The following FBLN5 variants were observed in gnomAD, a reference collection of about 807,000 sequenced individuals.
FBLN5 encodes the protein fibulin-5.
Under a neutral mutation model 61.6 loss-of-function variants are expected in FBLN5, and 24 were observed. The ratio of observed to expected loss-of-function variants is 0.39; its 90% CI spans 0.28 to 0.55. The LOEUF is 0.55. Among genes scored for constraint, FBLN5 ranks in the 20% least tolerant of loss-of-function variants. The probability of loss-of-function intolerance (pLI) is 0.65; values close to 1 mark genes in which losing one functional copy is unlikely to be tolerated. For synonymous variants in FBLN5, 213 were observed against 219.8 expected (o/e 0.97, Z 0.27); for missense variants, 470 against 594.1 (o/e 0.79, Z 2.17).
chr14:91,881,130 C>CAT (rs1352590152), intron 9 of FBLN5, among the ~76,000 whole-genome samples, 162 bp downstream of exon 9: 1 of 118,004 alleles, frequency 8.5e-6, no homozygotes, highest in Non-Finnish European at 2.1e-5. Flanking sequence ...TACACACACA[C>CAT]ACACACACAC....
chr14:91,873,088 G>A (rs898502806), intron 10 of FBLN5, among the ~76,000 whole-genome samples: 4 of 152,164 alleles, frequency 2.6e-5, no homozygotes, highest in African/African-American at 4.8e-5. Context: ...TGGTGAGTCC[G>A]GCCTCCACCT....
chr14:91,888,539 G>T (rs1889837028), intron 6 of FBLN5, among the ~76,000 whole-genome samples: 1 of 149,632 alleles, frequency 6.7e-6, no homozygotes, highest in Non-Finnish European at 1.5e-5. Context: ...AACCCCAGAG[G>T]CAGAGGTTGC....
At chr14:91,902,539 A>AT (rs1266761340) in intron 4 of FBLN5, among the ~76,000 whole-genome samples, 1 of 152,178 alleles carries the variant, frequency 6.6e-6, no homozygotes, top group Non-Finnish European at 1.5e-5. Flanking sequence ...ACCTAAATGA[A>AT]TCCAATGCAA....
intron 2 of FBLN5, chr14:91,942,142 AT>A: frequency 4.4e-6 from 2 of 455,980 alleles, no homozygotes; most frequent in South Asian, 3.1e-5. Flanking sequence ...ATCTGCCCAC[AT>A]TTCAGGGCTG....
chr14:91,902,884 G>A (rs967742842), intron 4 of FBLN5, among the ~76,000 whole-genome samples: 20 of 152,074 alleles, frequency 1.3e-4, no homozygotes, highest in Non-Finnish European at 2.5e-4. Flanking sequence ...TTATAAGTGG[G>A]AACTGACCAT....
chr14:91,935,701 T>C lies in FBLN5; in HGVS notation c.379+1246A>G, dbSNP rs192594462. 5.3e-5 allele frequency among the ~76,000 whole-genome samples: 8 copies of C among 152,284 alleles called. No individual in the cohort carries two copies. The East Asian group carries it at 1.4e-3, about 26-fold the overall frequency. On this transcript the variant is annotated intron_variant, in intron 4 of 10. Coordinates refer to ENST00000342058, the MANE Select transcript of FBLN5 (RefSeq NM_006329.4). ...AAATGAAGAAGTTGAAGTTAAAGAT[T>C]GGTAAAAAAAAGTCCCTTCCAGTTA...
intron 4 of FBLN5, among the ~76,000 whole-genome samples, chr14:91,903,906 T>C (rs1428051103): frequency 6.6e-6 from 1 of 152,074 alleles, no homozygotes; most frequent in Non-Finnish European, 1.5e-5. Context: ...GCAGCTCCAA[T>C]CCCTCCCTGG....
At chr14:91,904,549 TATAGACTATGTGGC>T (rs1890596001) in intron 4 of FBLN5, among the ~76,000 whole-genome samples, 1 of 152,246 alleles carries the variant, frequency 6.6e-6, no homozygotes. Context: ...ACAAGAACGC[TATAGACTATGTGGC>T]TTAAACACGA....
At chr14:91,875,833 T>A (rs988054162) in intron 10 of FBLN5, among the ~76,000 whole-genome samples, 1 of 152,204 alleles carries the variant, frequency 6.6e-6, no homozygotes, top group African/African-American at 2.4e-5. Flanking sequence ...GAAGTTTCCA[T>A]TTAAACTAGT....
rs977550466 is a variant in FBLN5, at chr14:91,947,330, G to A, written c.-101C>T. On this transcript the variant is annotated 5_prime_UTR_variant, in exon 1 of 11. Transcript: ENST00000342058. This position sits in a 1 kb window ranked among gnomAD's most constrained non-coding sequence, Gnocchi z 4.3. ...CGTCGGCCTCCTCTGGGCCCTCGGG[G>A]CTCGCGGGTGTTTTATTCCAGAGGG... 8 of 1,387,074 alleles carry A rather than the reference G, an allele frequency of 5.8e-6. No homozygotes were observed. The African/African-American group carries it at 1.1e-4, about 20-fold the overall frequency. The allele number at this position is 1,387,074 out of a possible 1,614,324, so 85.9% of individuals were successfully genotyped here.
chr14:91,939,885 G>A (rs2056079566), intron 3 of FBLN5: 1 of 444,622 alleles, frequency 2.2e-6, no homozygotes, highest in Non-Finnish European at 4.5e-6. Context: ...TTTTCTGGGT[G>A]GGCCCGATAT....
intron 9 of FBLN5, among the ~76,000 whole-genome samples, chr14:91,880,920 T>C (rs1889411224): frequency 6.6e-6 from 1 of 152,120 alleles, no homozygotes; most frequent in African/African-American, 2.4e-5. Context: ...TATATAGGGA[T>C]GTGTTTCAGA....
At chr14:91,885,095 G>A (rs992682495) in intron 7 of FBLN5, among the ~76,000 whole-genome samples, 1 of 152,194 alleles carries the variant, frequency 6.6e-6, no homozygotes. Context: ...CAGTGCCTGC[G>A]GAAATGGAGA....
At chr14:91,893,017 G>A (rs569933229) in intron 5 of FBLN5, among the ~76,000 whole-genome samples, 21 of 78,630 alleles carry the variant, frequency 2.7e-4, no homozygotes, top group African/African-American at 6.0e-4. Flanking sequence ...GAATGTCCGA[G>A]TTGCTGGCAC....
chr14:91,878,617 A>G (rs1365663353), intron 9 of FBLN5, among the ~76,000 whole-genome samples: 1 of 152,240 alleles, frequency 6.6e-6, no homozygotes, highest in Non-Finnish European at 1.5e-5. Flanking sequence ...GAGAGTCCAC[A>G]TCCAACCATC....
rs915370972 is a variant in FBLN5 at position 91,930,168 on chromosome 14, C to T, written c.379+6779G>A. On this transcript the variant is annotated intron_variant, in intron 4 of 10. Coordinates refer to ENST00000342058, the MANE Select transcript of FBLN5 (RefSeq NM_006329.4). ...ATAATGAAAACAATAATTACAGTAA[C>T]GAACTTAGGAAGCCCCTATGATAAG... is the stretch of plus-strand genomic sequence containing the variant. Among the ~76,000 whole-genome samples the T allele has an allele frequency of 5.4e-4, 82 of 152,258 alleles. 1 individual carries two copies. Among genetic ancestry groups the T allele is most frequent in the Non-Finnish European group, 2.9e-5 (2 of 68,028 alleles).
intron 4 of FBLN5, among the ~76,000 whole-genome samples, chr14:91,914,712 A>G (rs989559510): frequency 6.6e-6 from 1 of 152,072 alleles, no homozygotes; most frequent in Non-Finnish European, 1.5e-5. Flanking sequence ...GAATTGATGA[A>G]ATAAAAGCAA....
chr14:91,888,909 T>G (rs993656934), intron 6 of FBLN5, among the ~76,000 whole-genome samples: 2 of 152,074 alleles, frequency 1.3e-5, no homozygotes, highest in African/African-American at 4.8e-5. Context: ...ACTGAGAGAT[T>G]TTCTATCCTC....
chr14:91,925,933 C>A (rs1333513028), intron 4 of FBLN5, among the ~76,000 whole-genome samples: 6 of 152,168 alleles, frequency 3.9e-5, no homozygotes, highest in Non-Finnish European at 8.8e-5. Flanking sequence ...TGGGAGGAGT[C>A]AGCAGAGGGT....
Sources: allele counts gnomAD v4.1 joint callset (sites outside exome capture counted in the v4.1 genomes callset), GRCh38; gene constraint gnomAD v4.1.1; non-coding constraint Gnocchi (gnomAD v3.1); transcripts MANE v1.5; gene names NCBI Gene and HGNC (gene_info 2026-07-23, HGNC 2026-07-21).